KCNH7: variants seen among roughly 807,000 people sequenced by gnomAD.
KCNH7 encodes the protein voltage-gated inwardly rectifying potassium channel KCNH7.
A neutral mutation model predicts 120.8 loss-of-function variants in KCNH7; 49 were observed. That is an observed-to-expected ratio of 0.41 (90% CI 0.32 to 0.51). The LOEUF (loss-of-function observed/expected upper bound fraction) is 0.51. Ranked by LOEUF, KCNH7 falls within the 20% of genes least tolerant of loss-of-function variation. The pLI is 0.38. For synonymous variants in KCNH7, 547 were observed against 516.1 expected (o/e 1.06, Z -0.81); for missense variants, 1,097 against 1,446.6 (o/e 0.76, Z 3.92).
intron 2 of KCNH7, among the ~76,000 whole-genome samples, chr2:162,752,569 A>G (rs112139654): frequency 0.011 from 1,649 of 152,142 alleles, 35 homozygotes; most frequent in African/African-American, 0.038. Context: ...CCTTCACCAG[A>G]ATGGTCAAAG....
chr2:162,739,519 A>G (rs1432344672), intron 2 of KCNH7, among the ~76,000 whole-genome samples: 1 of 152,126 alleles, frequency 6.6e-6, no homozygotes, highest in African/African-American at 2.4e-5. Context: ...AGTGGGAACC[A>G]TGCTGAGCTG....
At chr2:162,819,899 T>C (rs1479091777) in intron 2 of KCNH7, among the ~76,000 whole-genome samples, 3 of 152,156 alleles carry the variant, frequency 2.0e-5, no homozygotes, top group Non-Finnish European at 4.4e-5. Flanking sequence ...TTTTGTATCA[T>C]CTTAGTTCAT....
intron 2 of KCNH7, among the ~76,000 whole-genome samples, chr2:162,678,189 A>C (rs1288936332): frequency 6.6e-6 from 1 of 151,378 alleles, no homozygotes. Context: ...GATGGCTGAG[A>C]ATTTTCCTAA....
chr2:162,383,104 G>C (rs1686471343), intron 13 of KCNH7, among the ~76,000 whole-genome samples: 1 of 151,912 alleles, frequency 6.6e-6, no homozygotes, highest in South Asian at 2.1e-4. Flanking sequence ...TTGTCAGTGA[G>C]AGTCATTATA....
At position 162,379,786 on chromosome 2, in the gene KCNH7, A is replaced by G. The variant is rs1686344562; in HGVS notation, c.3131+67T>C. ...ATGGCAAGGAGAATTTTCCATTTGT[A>G]AGGAGTAAAACTGGACCCATGTAAG... On this transcript the variant is annotated intron_variant, in intron 14 of 15. Transcript: ENST00000332142. 9 of 1,457,920 alleles carry G rather than the reference A, an allele frequency of 6.2e-6. No individual in the cohort carries two copies. In the South Asian group the frequency reaches 9.1e-5, roughly 15 times the overall value. The allele number at this position is 1,457,920 out of a possible 1,614,324, so 90.3% of individuals were successfully genotyped here.
In KCNH7 at chr2:162,757,732, A is replaced by C. The variant is rs1377660388; in HGVS notation, c.307+78805T>G. Among the ~76,000 whole-genome samples, 3 of 152,168 alleles carry C rather than the reference A, an allele frequency of 2.0e-5. No homozygotes were observed. The East Asian group carries it at 5.8e-4, about 29-fold the overall frequency. On this transcript the variant is annotated intron_variant, in intron 2 of 15. Transcript: ENST00000332142. ...GGGAGTACATCATATCAGACCTTGG[A>C]TTTCTCACAAGACAATAACTAGGGC... is the stretch of plus-strand genomic sequence containing the variant.
chr2:162,711,239 T>C (rs914492166), intron 2 of KCNH7, among the ~76,000 whole-genome samples: 1 of 152,254 alleles, frequency 6.6e-6, no homozygotes, highest in African/African-American at 2.4e-5. Context: ...AGCAATAATC[T>C]AGATGTTATC....
In KCNH7 at chr2:162,504,466, T is replaced by C; in HGVS notation, c.1105A>G (p.Asn369Asp). 1 of 1,612,648 alleles carries C rather than the reference T, an allele frequency of 6.2e-7. No homozygotes were observed. Among genetic ancestry groups the C allele is most frequent in the South Asian group, 1.1e-5 (1 of 91,042 alleles). Residue 369 changes from asparagine to aspartate, a missense_variant, in exon 6 of 16, where the codon AAT becomes GAT. Transcript: ENST00000332142. ...IAPKVKDRTHNVTEKVTQVLS... is the reference protein window; with the variant it reads ...IAPKVKDRTHDVTEKVTQVLS... ...ACCTGGGTCACTTTCTCAGTCACAT[T>C]GTGTGTTCGATCTTTAACCTTGGGT...
intron 2 of KCNH7, among the ~76,000 whole-genome samples, chr2:162,834,108 G>C (rs16847444): frequency 6.6e-6 from 1 of 151,960 alleles, no homozygotes; most frequent in Non-Finnish European, 1.5e-5. Flanking sequence ...TTTTATAAAT[G>C]TAGAGTAGCT....
At chr2:162,784,448 A>AC (rs1683626075) in intron 2 of KCNH7, 1 of 152,090 alleles carries the variant, frequency 6.6e-6, no homozygotes, top group African/African-American at 2.4e-5. Context: ...AATAATATTG[A>AC]CCCCAATATT....
At chr2:162,775,862 G>T (rs976829960) in intron 2 of KCNH7, among the ~76,000 whole-genome samples, 1 of 152,124 alleles carries the variant, frequency 6.6e-6, no homozygotes, top group Non-Finnish European at 1.5e-5. Flanking sequence ...TCAACAGTGT[G>T]GATGCCAGTT....
intron 2 of KCNH7, among the ~76,000 whole-genome samples, chr2:162,547,893 T>C (rs1692534493): frequency 6.6e-6 from 1 of 152,022 alleles, no homozygotes; most frequent in Admixed American, 6.5e-5. Flanking sequence ...TCAGACCTCT[T>C]GTAAGAGTCC....
chr2:162,611,171 G>T (rs1164560247), intron 2 of KCNH7, among the ~76,000 whole-genome samples: 1 of 152,196 alleles, frequency 6.6e-6, no homozygotes, highest in Non-Finnish European at 1.5e-5. Flanking sequence ...CGTGGGGCCT[G>T]CTGGGTGGCA....
In KCNH7 at chr2:162,590,741, C is replaced by A. The variant is rs539950988; in HGVS notation, c.308-53661G>T. On this transcript the variant is annotated intron_variant, in intron 2 of 15. Coordinates refer to ENST00000332142, the MANE Select transcript of KCNH7 (RefSeq NM_033272.4). Reference sequence around the variant, plus strand: ...ACTGATCTCCATTTCTCCTCCATTACCCTAGTGAGTACCATCTGTAGCCTG... The same window carrying A: ...ACTGATCTCCATTTCTCCTCCATTAACCTAGTGAGTACCATCTGTAGCCTG... Among the ~76,000 whole-genome samples the A allele has an allele frequency of 6.6e-5, 10 of 152,206 alleles. No individual in the cohort carries two copies. In the South Asian group the frequency reaches 2.1e-3, roughly 32 times the overall value.
chr2:162,636,440 C>T (rs1440040581), intron 2 of KCNH7, among the ~76,000 whole-genome samples: 1 of 152,070 alleles, frequency 6.6e-6, no homozygotes, highest in East Asian at 1.9e-4. Flanking sequence ...GGACTCTCAT[C>T]GTGTTTCCTA....
chr2:162,372,364 A>G (rs1329426449), intron 15 of KCNH7, among the ~76,000 whole-genome samples: 1 of 152,140 alleles, frequency 6.6e-6, no homozygotes, highest in African/African-American at 2.4e-5. Context: ...ATTATTTTAC[A>G]TTGAGTTTTC....
intron 2 of KCNH7, among the ~76,000 whole-genome samples, chr2:162,830,185 G>T (rs980715413): frequency 1.3e-5 from 2 of 152,084 alleles, no homozygotes; most frequent in Non-Finnish European, 2.9e-5. Context: ...TTTCTTTCGG[G>T]TGAGAAGCTG....
At chr2:162,496,485 C>T (rs184835690) in intron 6 of KCNH7, among the ~76,000 whole-genome samples, 288 of 152,178 alleles carry the variant, frequency 1.9e-3, no homozygotes, top group African/African-American at 6.6e-3. Flanking sequence ...TATATAGAAG[C>T]CTTTGTATTC....
intron 6 of KCNH7, among the ~76,000 whole-genome samples, chr2:162,503,182 C>T (rs909909333): frequency 6.6e-6 from 1 of 152,000 alleles, no homozygotes; most frequent in African/African-American, 2.4e-5. Context: ...TTGCAGGGCC[C>T]TGATCCTAAT....
Sources: gnomAD v4.1 joint callset for allele counts (sites outside exome capture counted in the v4.1 genomes callset) on GRCh38, gnomAD v4.1.1 for gene constraint, MANE v1.5 for transcripts, NCBI Gene and HGNC (gene_info 2026-07-23, HGNC 2026-07-21) for gene names.